FGGY: variants seen among roughly 807,000 people sequenced by gnomAD.
FGGY encodes FGGY carbohydrate kinase domain-containing protein.
In FGGY, 72 loss-of-function variants were observed where a neutral mutation model predicts 71.3. The observed-to-expected ratio is 1.01, with a 90% CI of 0.84 to 1.23. The LOEUF (loss-of-function observed/expected upper bound fraction) is 1.23, where lower values mean the gene tolerates loss of function less well. FGGY is among the 50% of genes most tolerant of loss of function. FGGY has a pLI of 0.00. For synonymous variants in FGGY, 251 were observed against 250.3 expected, an observed-to-expected ratio of 1.00 and a Z score of -0.02; for missense variants, 668 against 682.3, an observed-to-expected ratio of 0.98 and a Z score of 0.23.
At chr1:59,311,810 A>C (rs1173694878) in intron 1 of FGGY, among the ~76,000 whole-genome samples, 1 of 152,206 alleles carries the variant, frequency 6.6e-6, no homozygotes, top group Non-Finnish European at 1.5e-5. Flanking sequence ...TCCTTGAGGA[A>C]TCGCCATACT....
chr1:59,712,175 G>C (rs1233800542), intron 14 of FGGY, among the ~76,000 whole-genome samples: 1 of 152,168 alleles, frequency 6.6e-6, no homozygotes, highest in East Asian at 1.9e-4. Flanking sequence ...AATCCAGCAA[G>C]GCAGTCAAAT....
At chr1:59,696,581 C>T (rs1310870694) in intron 14 of FGGY, among the ~76,000 whole-genome samples, 1 of 152,220 alleles carries the variant, frequency 6.6e-6, no homozygotes. Flanking sequence ...GACTAAACCT[C>T]ATAGCATCAG....
chr1:59,580,972 C>G (rs983538354), intron 8 of FGGY, among the ~76,000 whole-genome samples: 1 of 152,102 alleles, frequency 6.6e-6, no homozygotes, highest in Non-Finnish European at 1.5e-5. Context: ...TATTACAAAG[C>G]TAAATGGTGG....
intron 14 of FGGY, among the ~76,000 whole-genome samples, chr1:59,697,401 T>C (rs2097670524): frequency 6.6e-6 from 1 of 152,164 alleles, no homozygotes; most frequent in South Asian, 2.1e-4. Context: ...TCTGTCTCTG[T>C]GAATTTAACT....
intron 5 of FGGY, among the ~76,000 whole-genome samples, chr1:59,406,963 T>C (rs2153418122): frequency 6.6e-6 from 1 of 152,350 alleles, no homozygotes; most frequent in South Asian, 2.1e-4. Flanking sequence ...TTTGTCACCC[T>C]TGCCCTGCTC....
chr1:59,350,665 G>C (rs2053099768), intron 4 of FGGY, among the ~76,000 whole-genome samples: 1 of 152,110 alleles, frequency 6.6e-6, no homozygotes, highest in Non-Finnish European at 1.5e-5. Context: ...CAAGGGAGGG[G>C]CTGGCTTAGG....
At chr1:59,724,320 CA>C (rs1321972030) in intron 14 of FGGY, among the ~76,000 whole-genome samples, 5,312 of 135,274 alleles carry the variant, frequency 0.039, 270 homozygotes, top group African/African-American at 0.13. Flanking sequence ...ACTAAAAATA[CA>C]AAAAAAAAAA....
chr1:59,567,632 G>A (rs1422952996), intron 8 of FGGY, among the ~76,000 whole-genome samples: 1 of 151,612 alleles, frequency 6.6e-6, no homozygotes, highest in African/African-American at 2.4e-5. Context: ...TGGAAGACAG[G>A]GCATAGCTTC....
At chr1:59,472,206 G>A (rs575475027) in intron 6 of FGGY, among the ~76,000 whole-genome samples, 15 of 152,300 alleles carry the variant, frequency 9.8e-5, no homozygotes, top group Admixed American at 4.6e-4. Flanking sequence ...TGGGCTCGGC[G>A]GACCCCGCAC....
chr1:59,327,951 G>A (rs1216251345), intron 2 of FGGY, among the ~76,000 whole-genome samples: 1 of 152,218 alleles, frequency 6.6e-6, no homozygotes, highest in Non-Finnish European at 1.5e-5. Flanking sequence ...AAACCATGCT[G>A]TAAATAGATG....
intron 8 of FGGY, among the ~76,000 whole-genome samples, chr1:59,569,804 T>A (rs575741411): frequency 6.6e-6 from 1 of 152,322 alleles, no homozygotes; most frequent in Non-Finnish European, 1.5e-5. Flanking sequence ...GTTTTCTTTT[T>A]TTCAAATGAG....
chr1:59,589,434 G>A (rs922606855), intron 8 of FGGY, among the ~76,000 whole-genome samples: 6 of 152,190 alleles, frequency 3.9e-5, no homozygotes, highest in South Asian at 2.1e-4. Context: ...GCACCAAGCG[G>A]ACCTAATAGA....
chr1:59,414,595 A>C (rs549137769), intron 5 of FGGY, among the ~76,000 whole-genome samples: 2 of 152,182 alleles, frequency 1.3e-5, no homozygotes, highest in Non-Finnish European at 2.9e-5. Flanking sequence ...GCACATTTAA[A>C]TGGGGTAATC....
intron 14 of FGGY, among the ~76,000 whole-genome samples, chr1:59,711,537 G>T (rs764652606): frequency 3.3e-4 from 50 of 152,304 alleles, no homozygotes; most frequent in Admixed American, 8.5e-4. Flanking sequence ...TGCATTGCAC[G>T]GGTGTATTAG....
chr1:59,326,218 A>G (rs1422512736), intron 2 of FGGY, among the ~76,000 whole-genome samples: 1 of 152,236 alleles, frequency 6.6e-6, no homozygotes, highest in Non-Finnish European at 1.5e-5. Context: ...ATTGGAGCAT[A>G]TAGAGGAGAC....
chr1:59,728,920 G>C (rs2097986698), intron 14 of FGGY, among the ~76,000 whole-genome samples: 1 of 151,814 alleles, frequency 6.6e-6, no homozygotes, highest in African/African-American at 2.4e-5. Context: ...ATTGTTTGGT[G>C]TTTCTTCTTT....
At chr1:59,513,099 GT>G (rs1411574691) in intron 7 of FGGY, among the ~76,000 whole-genome samples, 1 of 152,162 alleles carries the variant, frequency 6.6e-6, no homozygotes, top group Non-Finnish European at 1.5e-5. Context: ...GGTTGTGTGT[GT>G]TTTTTGCAGG....
At chr1:59,638,959 G>A (rs2096990131) in intron 11 of FGGY, among the ~76,000 whole-genome samples, 3 of 152,166 alleles carry the variant, frequency 2.0e-5, no homozygotes, top group African/African-American at 7.2e-5. Context: ...AACTTGGTGG[G>A]AGAACTCTCA....
intron 5 of FGGY, among the ~76,000 whole-genome samples, chr1:59,438,658 A>G (rs1280014923): frequency 6.6e-6 from 1 of 152,230 alleles, no homozygotes; most frequent in Non-Finnish European, 1.5e-5. Flanking sequence ...TGTTTGGCAC[A>G]TACCAGTTAA....
Sources: allele counts gnomAD v4.1 joint callset (sites outside exome capture counted in the v4.1 genomes callset), GRCh38; gene constraint gnomAD v4.1.1; transcripts MANE v1.5; gene names NCBI Gene and HGNC (gene_info 2026-07-23, HGNC 2026-07-21).